KIZ: variants seen among roughly 807,000 people sequenced by gnomAD.
KIZ encodes the protein kizuna centrosomal protein.
A neutral mutation model predicts 79.6 loss-of-function variants in KIZ; 68 were observed. The observed-to-expected ratio is 0.85, with a 90% CI of 0.70 to 1.05. KIZ has a LOEUF of 1.05. Among genes scored for constraint, KIZ ranks in the 50% least tolerant of loss-of-function variants. The pLI is 0.00. For synonymous variants in KIZ, 280 were observed against 281.8 expected (o/e 0.99, Z 0.06); for missense variants, 797 against 800.4 (o/e 1.00, Z 0.05).
At position 21,132,109 on chromosome 20, in the gene KIZ, A is replaced by T. The variant is rs749951530; in HGVS notation, c.102A>T (p.Arg34Ser). Reference sequence around the variant, plus strand: ...TTTTTTATTATAGTGAAAAGAAGAGATTGGACCTGGAAAAGAAACTTTATG... The same window carrying T: ...TTTTTTATTATAGTGAAAAGAAGAGTTTGGACCTGGAAAAGAAACTTTATG... ...QHGLRDSEKK[R>S]LDLEKKLYEY... The change falls in exon 2 of 13, where the codon AGA becomes AGT. Residue 34 changes from arginine (R) to serine (S), a missense_variant. By Grantham distance (110) the Arg-to-Ser change is moderately radical. Coordinates refer to ENST00000619189, the MANE Select transcript of KIZ (RefSeq NM_018474.6). The T allele has an allele frequency of 3.0e-5, 41 of 1,383,888 alleles. No homozygotes were observed. Among genetic ancestry groups the T allele is most frequent in the Admixed American group, 6.1e-5 (3 of 49,154 alleles). 85.7% of individuals were successfully genotyped at this position (1,383,888 alleles called of 1,614,324 possible).
At chr20:21,177,042 G>A (rs1416340363) in intron 6 of KIZ, among the ~76,000 whole-genome samples, 4 of 152,236 alleles carry the variant, frequency 2.6e-5, no homozygotes, top group Admixed American at 6.5e-5. Flanking sequence ...TCGCTATTGC[G>A]AATAGTGCTG....
chr20:21,225,323 C>T (rs536461743), intron 9 of KIZ, among the ~76,000 whole-genome samples: 1 of 152,176 alleles, frequency 6.6e-6, no homozygotes, highest in Non-Finnish European at 1.5e-5. Context: ...CAGAACATTC[C>T]AACCGAAAAT....
intron 6 of KIZ, among the ~76,000 whole-genome samples, chr20:21,181,836 T>TG (rs1251324206): frequency 6.6e-6 from 1 of 152,234 alleles, no homozygotes; most frequent in Non-Finnish European, 1.5e-5. Flanking sequence ...AGGATGCTGT[T>TG]GGTTGCCAAT....
At chr20:21,228,956 C>A in intron 9 of KIZ, 55 bp from the exon 10 acceptor site, 1 of 937,846 alleles carries the variant, frequency 1.1e-6, no homozygotes, top group Non-Finnish European at 1.6e-6. Flanking sequence ...ATTTAAAAAG[C>A]TTCTTTCTGG....
chr20:21,219,374 T>C (rs186163145), intron 9 of KIZ, among the ~76,000 whole-genome samples: 29 of 152,038 alleles, frequency 1.9e-4, no homozygotes, highest in African/African-American at 7.0e-4. Context: ...CTGGAGTGCA[T>C]TGTTGTGATC....
chr20:21,133,526 GATGGGC>G (rs2031982340), intron 2 of KIZ, among the ~76,000 whole-genome samples: 1 of 152,248 alleles, frequency 6.6e-6, no homozygotes, highest in South Asian at 2.1e-4. Context: ...GTGAGAAAAG[GATGGGC>G]ACTTTTACCA....
chr20:21,135,274 A>G, intron 2 of KIZ, among the ~76,000 whole-genome samples: 1 of 152,102 alleles, frequency 6.6e-6, no homozygotes, highest in East Asian at 1.9e-4. Flanking sequence ...AATTGTACCC[A>G]CTCCGGGTAG....
At chr20:21,226,901 T>C (rs1469723706) in intron 9 of KIZ, among the ~76,000 whole-genome samples, 2 of 152,114 alleles carry the variant, frequency 1.3e-5, no homozygotes, top group Admixed American at 1.3e-4. Context: ...AGTGAGGTGA[T>C]TGGGAAGTGG....
At chr20:21,192,529 C>G (rs1600498775) in intron 6 of KIZ, among the ~76,000 whole-genome samples, 1 of 152,030 alleles carries the variant, frequency 6.6e-6, no homozygotes, top group Admixed American at 6.5e-5. Context: ...GACCTTCAGT[C>G]TCACTAAAAA....
chr20:21,229,040 G>T lies in KIZ; in HGVS notation c.1708G>T (p.Ala570Ser), dbSNP rs1459145048. The T allele has an allele frequency of 2.5e-6, 4 of 1,610,476 alleles. No individual in the cohort carries two copies. Among genetic ancestry groups the T allele is most frequent in the Admixed American group, 1.7e-5 (1 of 59,834 alleles). Residue 570 changes from alanine to serine, a missense_variant, in exon 10 of 13, where the codon GCC becomes TCC. Transcript: ENST00000619189. ...ETEAYQLLKK[A>S]TLQDNTNQTE... ...AGAAGCCTATCAGTTGCTGAAGAAG[G>T]CCACCCTTCAGGATAATACAAATCA...
chr20:21,172,223 G>C (rs890472082), intron 6 of KIZ, among the ~76,000 whole-genome samples: 12 of 152,134 alleles, frequency 7.9e-5, no homozygotes, highest in Non-Finnish European at 7.4e-5. Context: ...CTCTGTGCCG[G>C]GTATTGTTCT....
chr20:21,185,426 T>C (rs2034834625), intron 6 of KIZ, among the ~76,000 whole-genome samples: 1 of 149,454 alleles, frequency 6.7e-6, no homozygotes, highest in African/African-American at 2.5e-5. Flanking sequence ...TTTTTTTTTT[T>C]TGAGACGGAT....
At chr20:21,147,291 G>C (rs1178360843) in intron 4 of KIZ, among the ~76,000 whole-genome samples, 3 of 152,118 alleles carry the variant, frequency 2.0e-5, no homozygotes, top group African/African-American at 7.2e-5. Flanking sequence ...TATATGGAAA[G>C]GTGTCATTTC....
In KIZ at chr20:21,234,890, G is replaced by A. The variant is rs150618087; in HGVS notation, c.1880+2060G>A. Among the ~76,000 whole-genome samples the A allele has an allele frequency of 3.5e-3, 537 of 152,024 alleles. 3 individuals carry two copies. The highest frequency in any genetic ancestry group is 5.5e-3 in the Non-Finnish European group (376 of 67,988). On this transcript the variant is annotated intron_variant, in intron 11 of 12. Transcript: ENST00000619189. ...TTTACTTTAAAGCAGCGGCTTGGGC[G>A]CAAAAATGCATTTATAGCTCTTTGT...
chr20:21,135,659 G>A (rs1384482529), intron 2 of KIZ, among the ~76,000 whole-genome samples: 2 of 152,206 alleles, frequency 1.3e-5, no homozygotes, highest in Non-Finnish European at 2.9e-5. Context: ...TTGAAATGCT[G>A]TATAACAGGG....
chr20:21,140,200 A>T (rs1027780839), intron 3 of KIZ, among the ~76,000 whole-genome samples: 3 of 152,142 alleles, frequency 2.0e-5, no homozygotes, highest in African/African-American at 7.2e-5. Flanking sequence ...TCTCCTCTTA[A>T]TGCTGCCATC....
chr20:21,238,380 T>G (rs1262934459), intron 11 of KIZ, among the ~76,000 whole-genome samples: 6 of 149,696 alleles, frequency 4.0e-5, no homozygotes, highest in Non-Finnish European at 8.9e-5. Flanking sequence ...AGGGTGTGAG[T>G]GTGTGAGAGA....
At chr20:21,238,362 TGTGTGAGAGGGTGTGA>T (rs2037099892) in intron 11 of KIZ, among the ~76,000 whole-genome samples, 5 of 151,288 alleles carry the variant, frequency 3.3e-5, no homozygotes, top group Admixed American at 3.3e-4. Flanking sequence ...AGTGTGTGTG[TGTGTGAGAGGGTGTGA>T]GTGTGTGAGA....
rs574603438 is a variant in KIZ, at chr20:21,141,928, TCTC to T, written c.316-3634_316-3632del. The stretch of plus-strand genomic sequence containing the variant: ...TCTCCCTAATTTCCCCCCTCCACCT[TCTC>T]CTGCCATCCCCATTTCTCCCTCTTA... On this transcript the variant is annotated intron_variant, in intron 3 of 12. Transcript: ENST00000619189. Among the ~76,000 whole-genome samples the T allele has an allele frequency of 2.6e-3, 395 of 149,308 alleles. 3 individuals carry two copies. The highest frequency in any genetic ancestry group is 3.8e-3 in the Non-Finnish European group (257 of 67,420).
Sources: allele counts gnomAD v4.1 joint callset (sites outside exome capture counted in the v4.1 genomes callset), GRCh38; gene constraint gnomAD v4.1.1; transcripts MANE v1.5; gene names NCBI Gene and HGNC (gene_info 2026-07-23, HGNC 2026-07-21).